The following ST8SIA6 variants were observed in gnomAD, a reference collection of about 807,000 sequenced individuals.
The protein encoded by ST8SIA6 is ST8 alpha-N-acetyl-neuraminide alpha-2,8-sialyltransferase 6.
ST8SIA6 carries 39 observed loss-of-function variants against 33.6 expected under a neutral mutation model. The observed-to-expected ratio is 1.16, with a 90% CI of 0.90 to 1.52. The LOEUF is 1.52. Ranked by LOEUF, ST8SIA6 falls within the 40% of genes most tolerant of loss-of-function variation. The pLI is 0.00. For missense variants in ST8SIA6, 441 were observed against 443.8 expected (o/e 0.99, Z 0.06); for synonymous variants, 172 against 167.2 (o/e 1.03, Z -0.22).
In ST8SIA6 at chr10:17,319,935, A is replaced by C. The variant is rs1847891391; in HGVS notation, c.*943T>G. 1 of 152,134 alleles carries C rather than the reference A, an allele frequency of 6.6e-6. No individual in the cohort carries two copies. Among genetic ancestry groups the C allele is most frequent in the African/African-American group, 2.4e-5 (1 of 41,434 alleles). The allele number at this position is 152,134 out of a possible 1,614,324, so 9.4% of individuals were successfully genotyped here. A position where few individuals can be genotyped will look rare whatever the true frequency, so the allele number is the denominator to read the frequency against. ...TATCCCTGCTTCTGTTCCTTGTAGC[A>C]CTTTATTCATAGCTTTTGTCATTGT... On this transcript the variant is annotated 3_prime_UTR_variant, in exon 8 of 8. Coordinates refer to ENST00000377602, the MANE Select transcript of ST8SIA6 (RefSeq NM_001004470.3).
chr10:17,371,627 A>T (rs556851037), intron 3 of ST8SIA6, among the ~76,000 whole-genome samples: 4 of 152,000 alleles, frequency 2.6e-5, no homozygotes, highest in Non-Finnish European at 4.4e-5. Flanking sequence ...TCGACTAAAA[A>T]TACAAAAAGT....
At chr10:17,427,209 A>G (rs1851966539) in intron 2 of ST8SIA6, among the ~76,000 whole-genome samples, 2 of 152,124 alleles carry the variant, frequency 1.3e-5, no homozygotes, top group South Asian at 2.1e-4. Context: ...TACTGCTAAT[A>G]CCTCCAGCAT....
intron 3 of ST8SIA6, among the ~76,000 whole-genome samples, chr10:17,368,280 G>A (rs1849620952): frequency 1.3e-5 from 2 of 149,462 alleles, no homozygotes; most frequent in South Asian, 4.3e-4. Context: ...GCCAGGCATG[G>A]TGGCACATGC....
intron 4 of ST8SIA6, among the ~76,000 whole-genome samples, chr10:17,356,107 G>T (rs1849180616): frequency 6.6e-6 from 1 of 152,072 alleles, no homozygotes; most frequent in Non-Finnish European, 1.5e-5. Context: ...TTTCTAAAGT[G>T]ACTATAAATT....
chr10:17,422,848 A>C (rs1384165029), intron 2 of ST8SIA6, among the ~76,000 whole-genome samples: 1 of 152,236 alleles, frequency 6.6e-6, no homozygotes, highest in Non-Finnish European at 1.5e-5. Flanking sequence ...TTAAACAAGA[A>C]ATACTGAACA....
chr10:17,418,210 C>T (rs1246970369), intron 2 of ST8SIA6, among the ~76,000 whole-genome samples: 3 of 151,740 alleles, frequency 2.0e-5, no homozygotes, highest in African/African-American at 7.3e-5. Flanking sequence ...AGGCATGTGC[C>T]ACCAAACTCA....
chr10:17,436,807 G>T (rs1013280691), intron 2 of ST8SIA6, among the ~76,000 whole-genome samples: 1 of 151,888 alleles, frequency 6.6e-6, no homozygotes, highest in African/African-American at 2.4e-5. Context: ...AGTCTTTGCT[G>T]TTGTGAATAG....
intron 2 of ST8SIA6, among the ~76,000 whole-genome samples, chr10:17,403,325 A>C (rs894785747): frequency 6.6e-6 from 1 of 152,214 alleles, no homozygotes; most frequent in Non-Finnish European, 1.5e-5. Context: ...GAGAAAATAA[A>C]ATAGAAACAG....
chr10:17,378,468 G>C (rs1849994112), intron 3 of ST8SIA6, among the ~76,000 whole-genome samples: 2 of 152,042 alleles, frequency 1.3e-5, no homozygotes, highest in Admixed American at 1.3e-4. Context: ...CTTTCCACAG[G>C]GTCCGATGGA....
chr10:17,333,359 A>G (rs1848361643), intron 4 of ST8SIA6, among the ~76,000 whole-genome samples: 1 of 151,958 alleles, frequency 6.6e-6, no homozygotes, highest in Non-Finnish European at 1.5e-5. Flanking sequence ...TCAAAATACC[A>G]TTGACATTCT....
intron 2 of ST8SIA6, among the ~76,000 whole-genome samples, chr10:17,399,529 C>G (rs1026590853): frequency 6.6e-6 from 1 of 152,140 alleles, no homozygotes; most frequent in Non-Finnish European, 1.5e-5. Flanking sequence ...CCTTCAGTTA[C>G]CCTCAATGAA....
In ST8SIA6 at chr10:17,317,098, G is replaced by A. The variant is rs932519812; in HGVS notation, c.*3780C>T. On this transcript the variant is annotated 3_prime_UTR_variant, in exon 8 of 8. Coordinates refer to ENST00000377602, the MANE Select transcript of ST8SIA6 (RefSeq NM_001004470.3). ...TTTAAAGTTTTCTTTTTAATCCATC[G>A]TTTTCATCCCTCTGGAGCCCAACTT... 1.3e-5 allele frequency among the ~76,000 whole-genome samples: 2 copies of A among 151,864 alleles called. No individual in the cohort carries two copies. Among genetic ancestry groups the A allele is most frequent in the South Asian group, 2.1e-4 (1 of 4,818 alleles).
intron 4 of ST8SIA6, among the ~76,000 whole-genome samples, chr10:17,343,278 G>A (rs1344526575): frequency 6.6e-6 from 1 of 152,116 alleles, no homozygotes; most frequent in East Asian, 1.9e-4. Context: ...GCAAGATAGA[G>A]GGAATCTTTT....
chr10:17,424,061 C>G (rs1329465318), intron 2 of ST8SIA6, among the ~76,000 whole-genome samples: 3 of 152,034 alleles, frequency 2.0e-5, no homozygotes, highest in African/African-American at 7.2e-5. Flanking sequence ...CACCTGATGC[C>G]TTAACTGCCT....
chr10:17,373,451 C>G (rs189722800), intron 3 of ST8SIA6, among the ~76,000 whole-genome samples: 1 of 152,116 alleles, frequency 6.6e-6, no homozygotes, highest in Non-Finnish European at 1.5e-5. Flanking sequence ...ACAGACCCTG[C>G]GAGGCATAAA....
intron 2 of ST8SIA6, among the ~76,000 whole-genome samples, chr10:17,430,851 G>A (rs1852081624): frequency 1.3e-5 from 2 of 152,172 alleles, no homozygotes; most frequent in South Asian, 4.1e-4. Context: ...TTGCTCTGCT[G>A]ATTATTCCTT....
chr10:17,430,828 G>C (rs1305180913), intron 2 of ST8SIA6, among the ~76,000 whole-genome samples: 1 of 152,182 alleles, frequency 6.6e-6, no homozygotes, highest in Non-Finnish European at 1.5e-5. Context: ...CTCCCATTCT[G>C]TGGGTTGTCT....
intron 3 of ST8SIA6, among the ~76,000 whole-genome samples, chr10:17,374,010 A>G (rs1849810916): frequency 6.6e-6 from 1 of 151,676 alleles, no homozygotes; most frequent in South Asian, 2.1e-4. Context: ...AAATCTTACC[A>G]AGTGTTAATT....
intron 4 of ST8SIA6, among the ~76,000 whole-genome samples, chr10:17,335,177 T>C (rs551086049): frequency 6.6e-6 from 1 of 152,348 alleles, no homozygotes; most frequent in African/African-American, 2.4e-5. Flanking sequence ...TTAGTCATCT[T>C]GTTTCTCTTT....
Sources: allele counts gnomAD v4.1 joint callset (sites outside exome capture counted in the v4.1 genomes callset), GRCh38; gene constraint gnomAD v4.1.1; transcripts MANE v1.5; gene names NCBI Gene and HGNC (gene_info 2026-07-23, HGNC 2026-07-21).